KCNH1: variants seen among roughly 807,000 people sequenced by gnomAD.
The protein encoded by KCNH1 is potassium voltage-gated channel subfamily H member 1, also known as voltage-gated delayed rectifier potassium channel KCNH1.
Under a neutral mutation model 69.2 loss-of-function variants are expected in KCNH1, and 27 were observed. That is an observed-to-expected ratio of 0.39 (90% CI 0.29 to 0.54). The LOEUF is 0.54. Among genes scored for constraint, KCNH1 ranks in the 20% least tolerant of loss-of-function variants. KCNH1 has a pLI of 0.68. For synonymous variants in KCNH1, 456 were observed against 487.7 expected (o/e 0.93, Z 0.86); for missense variants, 798 against 1,261.6 (o/e 0.63, Z 5.57).
rs546644715 is a variant in KCNH1, at chr1:210,864,918, C to T, written c.1462+54722G>A. Among the ~76,000 whole-genome samples the T allele has an allele frequency of 5.3e-5, 8 of 152,314 alleles. No homozygotes were observed. In the South Asian group the frequency reaches 1.5e-3, roughly 28 times the overall value. On this transcript the variant is annotated intron_variant, in intron 7 of 10. Transcript: ENST00000271751. ...TAGAACCTGAAGCTGTAAGCTGGAA[C>T]ACCTATACATGGCCCTTCCATGTGG...
At chr1:210,859,200 C>CA (rs1424886419) in intron 7 of KCNH1, 2 of 1,609,540 alleles carry the variant, frequency 1.2e-6, no homozygotes, top group Non-Finnish European at 1.7e-6. Context: ...ACTGGGCCTC[C>CA]AAAATTGAAA....
intron 5 of KCNH1, among the ~76,000 whole-genome samples, chr1:211,054,119 A>C (rs75260061): frequency 3.9e-5 from 5 of 128,458 alleles, no homozygotes; most frequent in Non-Finnish European, 7.8e-5. Context: ...AAAATAATAC[A>C]AAAAAAAAAA....
intron 10 of KCNH1, among the ~76,000 whole-genome samples, chr1:210,758,723 G>T (rs1186290436): frequency 6.6e-6 from 1 of 152,186 alleles, no homozygotes; most frequent in African/African-American, 2.4e-5. Context: ...CCTCCTCAGT[G>T]CACTATTGTG....
intron 6 of KCNH1, among the ~76,000 whole-genome samples, chr1:210,944,703 G>C (rs1179658696): frequency 6.6e-6 from 1 of 152,048 alleles, no homozygotes; most frequent in Non-Finnish European, 1.5e-5. Context: ...ATTATTCCTT[G>C]TGGCCAAATC....
intron 6 of KCNH1, among the ~76,000 whole-genome samples, chr1:210,985,960 G>A (rs1029111299): frequency 6.6e-6 from 1 of 152,068 alleles, no homozygotes; most frequent in Admixed American, 6.5e-5. Flanking sequence ...TATGAATCTG[G>A]GTGCTCCTGT....
intron 10 of KCNH1, among the ~76,000 whole-genome samples, chr1:210,707,416 G>A (rs1451968590): frequency 1.3e-5 from 2 of 152,156 alleles, no homozygotes; most frequent in African/African-American, 4.8e-5. Context: ...CCCAGATAGA[G>A]CTATTTACAT....
At chr1:211,013,921 A>G (rs1163657292) in intron 6 of KCNH1, among the ~76,000 whole-genome samples, 1 of 152,200 alleles carries the variant, frequency 6.6e-6, no homozygotes, top group Non-Finnish European at 1.5e-5. Context: ...AAATCACAAG[A>G]TAAAGGAAAA....
intron 7 of KCNH1, among the ~76,000 whole-genome samples, chr1:210,818,342 G>T (rs1684860776): frequency 6.6e-6 from 1 of 152,074 alleles, no homozygotes. Flanking sequence ...CATTCACAAA[G>T]ATTTTAATCA....
chr1:210,916,019 T>C (rs991698745), intron 7 of KCNH1, among the ~76,000 whole-genome samples: 2 of 151,956 alleles, frequency 1.3e-5, no homozygotes, highest in East Asian at 1.9e-4. Flanking sequence ...ACTACCAGAG[T>C]GACCTGGTAG....
intron 10 of KCNH1, among the ~76,000 whole-genome samples, chr1:210,765,417 A>G (rs1395949755): frequency 6.6e-6 from 1 of 152,226 alleles, no homozygotes; most frequent in Non-Finnish European, 1.5e-5. Context: ...ACAAACAACC[A>G]CAAAAAGAGT....
intron 8 of KCNH1, among the ~76,000 whole-genome samples, chr1:210,799,976 T>C (rs1404136451): frequency 6.6e-6 from 1 of 152,192 alleles, no homozygotes; most frequent in African/African-American, 2.4e-5. Context: ...TTTTCATTTC[T>C]CCTATAAAAT....
intron 6 of KCNH1, among the ~76,000 whole-genome samples, chr1:211,017,319 T>C (rs1689510153): frequency 6.6e-6 from 1 of 152,234 alleles, no homozygotes; most frequent in Non-Finnish European, 1.5e-5. Flanking sequence ...ATGGAGTCAC[T>C]GGCCAGGTCT....
At chr1:210,998,676 C>T (rs923716021) in intron 6 of KCNH1, among the ~76,000 whole-genome samples, 2 of 152,194 alleles carry the variant, frequency 1.3e-5, no homozygotes, top group African/African-American at 4.8e-5. Flanking sequence ...TAGACATCTA[C>T]AGAACTCTCC....
At chr1:210,999,813 A>G (rs1206343338) in intron 6 of KCNH1, among the ~76,000 whole-genome samples, 1 of 152,224 alleles carries the variant, frequency 6.6e-6, no homozygotes. Context: ...AAGCTTATCC[A>G]CTATGATCAA....
At chr1:210,963,680 G>T (rs1688342168) in intron 6 of KCNH1, among the ~76,000 whole-genome samples, 1 of 151,964 alleles carries the variant, frequency 6.6e-6, no homozygotes, top group Non-Finnish European at 1.5e-5. Flanking sequence ...TCAAGCGGAA[G>T]AAAGGACATC....
At chr1:210,981,566 GCTATAAATACTATCT>G (rs1162999302) in intron 6 of KCNH1, among the ~76,000 whole-genome samples, 2 of 151,960 alleles carry the variant, frequency 1.3e-5, no homozygotes, top group African/African-American at 2.4e-5. Context: ...TCATTTGCTA[GCTATAAATACTATCT>G]CTATAAATAC....
At chr1:210,735,157 C>G (rs939622159) in intron 10 of KCNH1, among the ~76,000 whole-genome samples, 3 of 152,118 alleles carry the variant, frequency 2.0e-5, no homozygotes, top group African/African-American at 7.2e-5. Context: ...ACACAGCCTC[C>G]CCTCTAGTGG....
At chr1:211,030,295 T>A (rs1689758900) in intron 5 of KCNH1, among the ~76,000 whole-genome samples, 1 of 152,188 alleles carries the variant, frequency 6.6e-6, no homozygotes, top group Non-Finnish European at 1.5e-5. Flanking sequence ...GGTTAATATA[T>A]CAATTATACT....
chr1:210,880,802 TG>T (rs1686476848), intron 7 of KCNH1, among the ~76,000 whole-genome samples: 1 of 151,818 alleles, frequency 6.6e-6, no homozygotes, highest in South Asian at 2.1e-4. Flanking sequence ...AGCCACAAAA[TG>T]GGGGAAAAAA....
Sources: allele counts gnomAD v4.1 joint callset (sites outside exome capture counted in the v4.1 genomes callset), GRCh38; gene constraint gnomAD v4.1.1; transcripts MANE v1.5; gene names NCBI Gene and HGNC (gene_info 2026-07-23, HGNC 2026-07-21).